The following GPC5 variants were observed in gnomAD, a reference collection of about 807,000 sequenced individuals.
GPC5 encodes the protein glypican 5, also known as glypican-5.
In GPC5, 47 loss-of-function variants were observed where a neutral mutation model predicts 53.9. The observed-to-expected ratio is 0.87, with a 90% confidence interval of 0.69 to 1.11. GPC5 has a LOEUF of 1.11. GPC5 is among the 50% of genes most tolerant of loss of function. The pLI is 0.00. For missense variants in GPC5, 748 were observed against 713.1 expected (o/e 1.05, Z -0.56); for synonymous variants, 286 against 263.3 (o/e 1.09, Z -0.84).
Position 92,787,684 on chromosome 13 carries a change from G to A in GPC5, c.1562-78598G>A, listed in dbSNP as rs796957157. Among the ~76,000 whole-genome samples, 697 of 109,732 alleles carry A rather than the reference G, an allele frequency of 6.4e-3. 3 individuals carry two copies. Among genetic ancestry groups the A allele is most frequent in the African/African-American group, 0.02 (499 of 24,790 alleles). 72.0% of individuals were successfully genotyped at this position (109,732 alleles called of 152,430 possible). A position where few individuals can be genotyped will look rare whatever the true frequency, so the allele number is the denominator to read the frequency against. On this transcript the variant is annotated intron_variant, in intron 7 of 7. Transcript: ENST00000377067. The stretch of plus-strand genomic sequence containing the variant: ...CATAGCTACAAAAAAAAAAAAAAAA[G>A]AAAAGAAAAGAAAGAAAGAAAGAAA...
intron 6 of GPC5, among the ~76,000 whole-genome samples, chr13:92,030,075 T>C (rs2040829087): frequency 6.6e-6 from 1 of 152,222 alleles, no homozygotes; most frequent in Non-Finnish European, 1.5e-5. Flanking sequence ...TTAAACATTG[T>C]ATGAAAGTAT....
At chr13:91,801,917 C>T (rs1199824742) in intron 5 of GPC5, among the ~76,000 whole-genome samples, 2 of 152,162 alleles carry the variant, frequency 1.3e-5, no homozygotes, top group African/African-American at 4.8e-5. Context: ...CATCATACCA[C>T]ATTCCTAAAT....
At chr13:91,574,506 A>G (rs1483956008) in intron 2 of GPC5, among the ~76,000 whole-genome samples, 3 of 152,128 alleles carry the variant, frequency 2.0e-5, no homozygotes, top group Non-Finnish European at 4.4e-5. Flanking sequence ...GACCGACAGA[A>G]CAAGCATTGA....
intron 6 of GPC5, among the ~76,000 whole-genome samples, chr13:91,991,908 TCCAAA>T (rs2040460301): frequency 6.6e-6 from 1 of 152,198 alleles, no homozygotes; most frequent in Non-Finnish European, 1.5e-5. Context: ...GCTTTTTATT[TCCAAA>T]TAAAAAATGT....
intron 2 of GPC5, among the ~76,000 whole-genome samples, chr13:91,610,286 G>A (rs2033506971): frequency 6.6e-6 from 1 of 152,136 alleles, no homozygotes; most frequent in Non-Finnish European, 1.5e-5. Context: ...TTGGAAAACA[G>A]TAATGAAAAG....
At chr13:91,800,751 G>A (rs2038121103) in intron 5 of GPC5, among the ~76,000 whole-genome samples, 1 of 151,978 alleles carries the variant, frequency 6.6e-6, no homozygotes, top group South Asian at 2.1e-4. Context: ...CTTTCTAAAG[G>A]TTTGGGTACA....
At chr13:91,764,885 T>C (rs903030729) in intron 5 of GPC5, among the ~76,000 whole-genome samples, 2 of 152,212 alleles carry the variant, frequency 1.3e-5, no homozygotes, top group Non-Finnish European at 2.9e-5. Context: ...ATTGATGTTT[T>C]CTAGCCTGGC....
intron 3 of GPC5, among the ~76,000 whole-genome samples, chr13:91,698,411 T>A (rs1014135149): frequency 6.6e-6 from 1 of 152,190 alleles, no homozygotes; most frequent in African/African-American, 2.4e-5. Flanking sequence ...CTTCTGTACA[T>A]TTATCTGAAT....
rs941974024 is a variant in GPC5, at chr13:92,800,300, C to T, written c.1562-65982C>T. On this transcript the variant is annotated intron_variant, in intron 7 of 7. Transcript: ENST00000377067. The stretch of plus-strand genomic sequence containing the variant: ...GGGCATAACATTACGGTGCATGCTA[C>T]ATGGCCTCTCCCCTTCTCGAGACTA... Among the ~76,000 whole-genome samples the T allele has an allele frequency of 3.9e-5, 6 of 151,956 alleles. No individual in the cohort carries two copies. In the East Asian group the frequency reaches 1.2e-3, roughly 30 times the overall value.
intron 6 of GPC5, among the ~76,000 whole-genome samples, chr13:91,932,039 A>C (rs1450861495): frequency 1.3e-5 from 2 of 151,874 alleles, no homozygotes; most frequent in Non-Finnish European, 2.9e-5. Context: ...GTCAATTAAA[A>C]ATTAAAGCAA....
At chr13:92,012,278 TCTAC>T (rs1244361400) in intron 6 of GPC5, among the ~76,000 whole-genome samples, 1 of 152,210 alleles carries the variant, frequency 6.6e-6, no homozygotes, top group Admixed American at 6.5e-5. Context: ...TTGCCTTTTC[TCTAC>T]CTATTTGCTA....
chr13:92,486,300 G>T (rs1348313691), intron 7 of GPC5, among the ~76,000 whole-genome samples: 2 of 152,094 alleles, frequency 1.3e-5, no homozygotes, highest in Non-Finnish European at 2.9e-5. Context: ...AAAATACACT[G>T]AGAAATGGTA....
chr13:91,784,232 T>G (rs952276695), intron 5 of GPC5, among the ~76,000 whole-genome samples: 7 of 152,202 alleles, frequency 4.6e-5, no homozygotes, highest in Non-Finnish European at 7.3e-5. Context: ...AAATGTAGTA[T>G]AATTTTATTT....
At position 92,187,112 on chromosome 13, in the gene GPC5, CAA is replaced by C. The variant is rs56963503; in HGVS notation, c.1561+42136_1561+42137del. 7.7e-3 allele frequency among the ~76,000 whole-genome samples: 1,073 copies of C among 138,578 alleles called. 17 individuals are homozygous for C. Among genetic ancestry groups the C allele is most frequent in the African/African-American group, 0.025 (959 of 38,308 alleles). The allele number at this position is 138,578 out of a possible 152,430, so 90.9% of individuals were successfully genotyped here. On this transcript the variant is annotated intron_variant, in intron 7 of 7. Coordinates refer to ENST00000377067, the MANE Select transcript of GPC5 (RefSeq NM_004466.6). ...GGGTGACAAGAGCAAAACTCCATCT[CAA>C]AAAAAAAAAAAATTACTTCTGAAAC...
At chr13:92,119,561 T>G (rs2041630677) in intron 6 of GPC5, among the ~76,000 whole-genome samples, 1 of 125,806 alleles carries the variant, frequency 7.9e-6, no homozygotes. Context: ...CCACCTCGCC[T>G]GGCTAATTTT....
chr13:91,791,795 G>A (rs889468168), intron 5 of GPC5, among the ~76,000 whole-genome samples: 5 of 152,084 alleles, frequency 3.3e-5, no homozygotes, highest in African/African-American at 1.2e-4. Flanking sequence ...TCTCTAGATG[G>A]TTAAGCAGAT....
intron 6 of GPC5, among the ~76,000 whole-genome samples, chr13:91,959,950 A>G (rs1290864265): frequency 5.3e-5 from 8 of 152,034 alleles, no homozygotes; most frequent in Non-Finnish European, 5.9e-5. Flanking sequence ...AATATACTTC[A>G]ACATTATAAA....
At chr13:92,802,985 A>G (rs1024912366) in intron 7 of GPC5, among the ~76,000 whole-genome samples, 3 of 151,942 alleles carry the variant, frequency 2.0e-5, no homozygotes, top group Non-Finnish European at 2.9e-5. Flanking sequence ...CCTGAAGCTA[A>G]TGATTAATCC....
intron 7 of GPC5, among the ~76,000 whole-genome samples, chr13:92,272,923 T>A (rs9301790): frequency 0.012 from 1,840 of 152,174 alleles, 46 homozygotes; most frequent in African/African-American, 0.042. Context: ...GAAAGCCATA[T>A]AGTGGCAAAA....
Sources: allele counts gnomAD v4.1 joint callset (sites outside exome capture counted in the v4.1 genomes callset), GRCh38; gene constraint gnomAD v4.1.1; transcripts MANE v1.5; gene names NCBI Gene and HGNC (gene_info 2026-07-23, HGNC 2026-07-21).